CSRP3: variants seen among roughly 807,000 people sequenced by gnomAD.
The protein encoded by CSRP3 is cysteine and glycine-rich protein 3.
A neutral mutation model predicts 24.3 loss-of-function variants in CSRP3; 24 were observed. The observed-to-expected ratio is 0.99, with a 90% CI of 0.71 to 1.39. CSRP3 has a LOEUF of 1.39. CSRP3 is among the 40% of genes most tolerant of loss of function. The probability of loss-of-function intolerance (pLI) is 0.00; values close to 1 mark genes in which losing one functional copy is unlikely to be tolerated. For missense variants in CSRP3, 240 were observed against 249.0 expected (o/e 0.96, Z 0.24); for synonymous variants, 105 against 94.0 (o/e 1.12, Z -0.68).
At chr11:19,193,820 A>AAAAT (rs1265778593) in intron 1 of CSRP3, among the ~76,000 whole-genome samples, 3 of 152,266 alleles carry the variant, frequency 2.0e-5, no homozygotes, top group Admixed American at 6.5e-5. Context: ...TCCGTCTCAA[A>AAAAT]AAATAAATAA....
Position 19,186,326 on chromosome 11 carries a change from C to T in CSRP3, c.304G>A (p.Val102Ile). Residue 102 changes from valine to isoleucine, a missense_variant, in exon 4 of 6, where the codon GTT (valine) becomes ATT (isoleucine). Coordinates refer to ENST00000265968, the MANE Select transcript of CSRP3 (RefSeq NM_003476.5). ...FQQSPKPARSVTTSNPSKFTA... is the reference protein window; with the variant it reads ...FQQSPKPARSITTSNPSKFTA... ...AATTTGGAAGGGTTGCTGGTGGTAA[C>T]TGAGCGTGCCGGCTTTGGGGACCTG... 6.2e-7 allele frequency: 1 copy of T among 1,614,214 alleles called. No individual in the cohort carries two copies. Among genetic ancestry groups the T allele is most frequent in the Non-Finnish European group, 8.5e-7 (1 of 1,180,042 alleles).
chr11:19,200,584 G>A (rs999376611), intron 1 of CSRP3, among the ~76,000 whole-genome samples: 2 of 152,172 alleles, frequency 1.3e-5, no homozygotes, highest in African/African-American at 2.4e-5. Flanking sequence ...GGGCTGCAGA[G>A]CACCTGTCTG....
At chr11:19,191,764 G>C (rs1191748181) in intron 2 of CSRP3, among the ~76,000 whole-genome samples, 2 of 152,302 alleles carry the variant, frequency 1.3e-5, no homozygotes, top group Non-Finnish European at 2.9e-5. Context: ...TTTGACATGT[G>C]TGAGTCAGTG....
At chr11:19,185,677 C>G (rs956675104) in intron 4 of CSRP3, among the ~76,000 whole-genome samples, 1 of 152,206 alleles carries the variant, frequency 6.6e-6, no homozygotes, top group African/African-American at 2.4e-5. Context: ...TAATTTTTCT[C>G]TTTCCTCAGG....
At chr11:19,184,433 A>G (rs7102888) in intron 5 of CSRP3, among the ~76,000 whole-genome samples, 42,910 of 152,144 alleles carry the variant, frequency 0.28, 6,896 homozygotes, top group African/African-American at 0.43. Context: ...ATCTGTCCCT[A>G]TGATCACTAA....
rs1191021001 is a variant in CSRP3 at position 19,182,660 on chromosome 11, G to T, written c.*10C>A. ...AGGCTCGCAAAAAATCTGAGAAACG[G>T]CGCACCTCTTCATTCTTTCTTTTCC... On this transcript the variant is annotated 3_prime_UTR_variant, in exon 6 of 6. Coordinates refer to ENST00000265968, the MANE Select transcript of CSRP3 (RefSeq NM_003476.5). The T allele has an allele frequency of 6.2e-7, 1 of 1,613,280 alleles. No homozygotes were observed. Among genetic ancestry groups the T allele is most frequent in the African/African-American group, 1.3e-5 (1 of 74,986 alleles).
chr11:19,184,975 T>C lies in CSRP3; in HGVS notation c.485A>G (p.Lys162Arg). 1 of 1,613,912 alleles carries C rather than the reference T, an allele frequency of 6.2e-7. No individual in the cohort carries two copies. The highest frequency in any genetic ancestry group is 8.5e-7 in the Non-Finnish European group (1 of 1,179,730). ...KSLESTNVTD[K>R]DGELYCKVCY... is the part of the protein sequence containing the mutation. ...ACCTTTGCAATAAAGTTCCCCATCTTTGTCAGTGACATTTGTGGACTCCAG... is the reference window on the plus strand; with the variant it reads ...ACCTTTGCAATAAAGTTCCCCATCTCTGTCAGTGACATTTGTGGACTCCAG... Residue 162 changes from lysine (K) to arginine (R), a missense_variant, in exon 5 of 6, where the codon AAA (lysine) becomes AGA (arginine). Lys to Arg is a conservative substitution (Grantham distance 26, BLOSUM62 2). Coordinates refer to ENST00000265968, the MANE Select transcript of CSRP3 (RefSeq NM_003476.5).
intron 2 of CSRP3, among the ~76,000 whole-genome samples, chr11:19,189,491 A>C (rs746961366): frequency 2.6e-5 from 4 of 152,240 alleles, no homozygotes; most frequent in Non-Finnish European, 5.9e-5. Context: ...GTGTGCATTA[A>C]ATGTATTTGC....
At position 19,182,659 on chromosome 11, in the gene CSRP3, G is replaced by A. The variant is rs748531257; in HGVS notation, c.*11C>T. The A allele has an allele frequency of 8.7e-6, 14 of 1,613,032 alleles. No individual in the cohort carries two copies. Among genetic ancestry groups the A allele is most frequent in the Non-Finnish European group, 1.1e-5 (13 of 1,179,074 alleles). ...TAGGCTCGCAAAAAATCTGAGAAAC[G>A]GCGCACCTCTTCATTCTTTCTTTTC... On this transcript the variant is annotated 3_prime_UTR_variant, in exon 6 of 6. Transcript: ENST00000265968.
chr11:19,188,419 A>C, intron 2 of CSRP3, 115 bp from the exon 3 acceptor site: 12 of 1,024,738 alleles, frequency 1.2e-5, no homozygotes, highest in Non-Finnish European at 1.8e-5. Flanking sequence ...CTGAGCCAAG[A>C]ATACAATGTT....
At chr11:19,193,864 T>C (rs1850654075) in intron 1 of CSRP3, among the ~76,000 whole-genome samples, 1 of 152,242 alleles carries the variant, frequency 6.6e-6, no homozygotes, top group African/African-American at 2.4e-5. Flanking sequence ...TGTCCTCATC[T>C]GCATATGTTT....
chr11:19,191,409 A>T (rs1216789015), intron 2 of CSRP3, among the ~76,000 whole-genome samples: 2 of 152,010 alleles, frequency 1.3e-5, no homozygotes, highest in African/African-American at 4.8e-5. Flanking sequence ...CTAGTCGGGG[A>T]GGGGGCTCGC....
intron 2 of CSRP3, among the ~76,000 whole-genome samples, chr11:19,190,781 G>T (rs1356147023): frequency 6.6e-6 from 1 of 152,170 alleles, no homozygotes; most frequent in African/African-American, 2.4e-5. Flanking sequence ...ATATAGAAAA[G>T]TGTGCTCCTC....
intron 3 of CSRP3, 69 bp downstream of exon 3, chr11:19,188,067 G>A (rs904566704): frequency 1.3e-6 from 2 of 1,588,518 alleles, no homozygotes; most frequent in Non-Finnish European, 1.7e-6. Context: ...ACGTTGCTAT[G>A]GGAACGAAAT....
At chr11:19,193,012 T>C (rs1850641174) in intron 1 of CSRP3, among the ~76,000 whole-genome samples, 1 of 152,230 alleles carries the variant, frequency 6.6e-6, no homozygotes, top group African/African-American at 2.4e-5. Flanking sequence ...GGCAGTGGAC[T>C]ACATTTTGGG....
intron 1 of CSRP3, among the ~76,000 whole-genome samples, chr11:19,193,147 A>G (rs1406148082): frequency 6.6e-5 from 10 of 152,292 alleles, no homozygotes; most frequent in South Asian, 4.2e-4. Context: ...AGGCTATAAG[A>G]TATATTGGCA....
intron 3 of CSRP3, among the ~76,000 whole-genome samples, chr11:19,187,468 C>T (rs1356942260): frequency 6.6e-6 from 1 of 152,208 alleles, no homozygotes; most frequent in Non-Finnish European, 1.5e-5. Context: ...GGCCAGTGGC[C>T]ATCAGACTTT....
In CSRP3 at chr11:19,186,255, C is replaced by T; in HGVS notation, c.375G>A (p.Lys125=). ...TAACCTTCTCAGCAGCATAGACTGA[C>T]TTGCCACATCGAGGGCACTTCTCGG... ...GESEKCPRCG[K]SVYAAEKVMG... The change falls in exon 4 of 6, where the codon AAG becomes AAA. Residue 125 remains lysine, a synonymous_variant. Coordinates refer to ENST00000265968, the MANE Select transcript of CSRP3 (RefSeq NM_003476.5). 6.2e-7 allele frequency: 1 copy of T among 1,614,236 alleles called. No individual in the cohort carries two copies. Among genetic ancestry groups the T allele is most frequent in the South Asian group, 1.1e-5 (1 of 91,084 alleles).
chr11:19,186,069 A>G, intron 4 of CSRP3, 147 bp downstream of exon 4: 1 of 995,960 alleles, frequency 1.0e-6, no homozygotes, highest in Non-Finnish European at 1.6e-6. Flanking sequence ...CAGCCTGGGA[A>G]AGTGGCTGAG....
Sources: gnomAD v4.1 joint callset for allele counts (sites outside exome capture counted in the v4.1 genomes callset) on GRCh38, gnomAD v4.1.1 for gene constraint, MANE v1.5 for transcripts, NCBI Gene and HGNC (gene_info 2026-07-23, HGNC 2026-07-21) for gene names.